CD33: variants seen among roughly 807,000 people sequenced by gnomAD.
CD33 encodes myeloid cell surface antigen CD33.
CD33 carries 25 observed loss-of-function variants against 31.4 expected under a neutral mutation model. That is an observed-to-expected ratio of 0.80 (90% confidence interval 0.58 to 1.11). CD33 has a LOEUF of 1.11. Ranked by LOEUF, CD33 falls within the 50% of genes most tolerant of loss-of-function variation. The probability of loss-of-function intolerance (pLI) is 0.00; values close to 1 mark genes in which losing one functional copy is unlikely to be tolerated. For synonymous variants in CD33, 176 were observed against 180.6 expected (o/e 0.97, Z 0.20); for missense variants, 407 against 448.1 (o/e 0.91, Z 0.83).
chr19:51,233,365 A>G (rs961189065), intron 4 of CD33, among the ~76,000 whole-genome samples: 1 of 152,244 alleles, frequency 6.6e-6, no homozygotes, highest in African/African-American at 2.4e-5. Context: ...AAGTACGGGC[A>G]GCAGGGGTTG....
At chr19:51,216,198 C>T in the CD33 span, among the ~76,000 whole-genome samples, 1 of 150,196 alleles carries the variant, frequency 6.7e-6, no homozygotes, top group South Asian at 2.1e-4. Context: ...GATTGTCCTT[C>T]AGGCTCAGTC....
At chr19:51,231,779 G>A (rs1275767884) in intron 4 of CD33, among the ~76,000 whole-genome samples, 2 of 149,602 alleles carry the variant, frequency 1.3e-5, no homozygotes, top group East Asian at 2.0e-4. Flanking sequence ...TTTTTTTTGA[G>A]AAAGTGTCTC....
chr19:51,226,201 G>A (rs1348116194), intron 3 of CD33, 108 bp from the exon 4 acceptor site: 4 of 1,497,384 alleles, frequency 2.7e-6, no homozygotes, highest in East Asian at 4.5e-5. Flanking sequence ...AAGGACATGA[G>A]CCCTGTCCCT....
intron 6 of CD33, chr19:51,236,599 T>G (rs1981823073): frequency 6.6e-6 from 1 of 152,248 alleles, no homozygotes. Flanking sequence ...GGGTCAGTAA[T>G]GCCCCAGATG....
rs375287112 is a variant in CD33, at chr19:51,235,933, C to A, written c.924+257C>A. ...CAGCACCTTTGGAGGCCAAGGCGGGCGGATCACGAGGTCAGGAGATTGAGA... is the reference window on the plus strand; with the variant it reads ...CAGCACCTTTGGAGGCCAAGGCGGGAGGATCACGAGGTCAGGAGATTGAGA... On this transcript the variant is annotated intron_variant, in intron 6 of 6. Coordinates refer to ENST00000262262, the MANE Select transcript of CD33 (RefSeq NM_001772.4). 6.1e-4 allele frequency: 428 copies of A among 698,204 alleles called. 1 individual carries two copies. Among genetic ancestry groups the A allele is most frequent in the Non-Finnish European group, 9.1e-4 (349 of 383,570 alleles). The allele number at this position is 698,204 out of a possible 1,614,324, so 43.3% of individuals were successfully genotyped here. A position where few individuals can be genotyped will look rare whatever the true frequency, so the allele number is the denominator to read the frequency against.
chr19:51,226,455 G>C, intron 4 of CD33, 99 bp downstream of exon 4: 1 of 1,071,196 alleles, frequency 9.3e-7, no homozygotes, highest in South Asian at 1.3e-5. Flanking sequence ...CAGAGGCAAG[G>C]CCTGCAGTTA....
upstream of CD33, among the ~76,000 whole-genome samples, chr19:51,224,752 A>C (rs1980863139): frequency 6.6e-6 from 1 of 152,148 alleles, no homozygotes; most frequent in African/African-American, 2.4e-5. Flanking sequence ...AGCAGTGATC[A>C]GCCCTGGTGT....
the CD33 span, among the ~76,000 whole-genome samples, chr19:51,216,221 C>CGT: frequency 0.21 from 29,092 of 140,430 alleles, 3,378 homozygotes; most frequent in Non-Finnish European, 0.24. Flanking sequence ...AAATGTCACC[C>CGT]GAGTGTGTGT....
the CD33 span, chr19:51,211,862 C>T: frequency 7.7e-7 from 1 of 1,296,986 alleles, no homozygotes; most frequent in East Asian, 2.3e-5. Context: ...ACCTGACCTG[C>T]TCTGTGCCCT....
the CD33 span, among the ~76,000 whole-genome samples, chr19:51,212,762 C>A: frequency 1.3e-5 from 2 of 152,270 alleles, no homozygotes; most frequent in South Asian, 4.1e-4. Flanking sequence ...CTTAGATGCC[C>A]GTCCTCCTCC....
rs1980921436 is a variant in CD33, at chr19:51,225,384, C to T, written c.204C>T (p.Ser68=). The change falls in exon 2 of 7, where the codon TCC becomes TCT. Residue 68 remains serine, a synonymous_variant. Coordinates refer to ENST00000262262, the MANE Select transcript of CD33 (RefSeq NM_001772.4). ...GYWFREGAII[S]RDSPVATNKL... is the part of the protein sequence containing the mutation. ...GGTTCCGGGAAGGAGCCATTATATCCAGGGACTCTCCAGTGGCCACAAACA... is the reference window on the plus strand; with the variant it reads ...GGTTCCGGGAAGGAGCCATTATATCTAGGGACTCTCCAGTGGCCACAAACA... The T allele has an allele frequency of 6.2e-7, 1 of 1,614,176 alleles. No individual in the cohort carries two copies.
the CD33 span, among the ~76,000 whole-genome samples, chr19:51,218,825 G>T: frequency 6.6e-6 from 1 of 152,166 alleles, no homozygotes; most frequent in East Asian, 1.9e-4. Context: ...TCAAAAGTCA[G>T]GTAGCTGTAA....
chr19:51,216,223 A>AGTGT, the CD33 span, among the ~76,000 whole-genome samples: 543 of 128,460 alleles, frequency 4.2e-3, 7 homozygotes, highest in Middle Eastern at 0.032. Context: ...ATGTCACCCG[A>AGTGT]GTGTGTGTGT....
At chr19:51,229,596 T>C (rs1712284137) in intron 4 of CD33, among the ~76,000 whole-genome samples, 1 of 152,192 alleles carries the variant, frequency 6.6e-6, no homozygotes, top group African/African-American at 2.4e-5. Flanking sequence ...TGCTGAAGTT[T>C]TCTATACCTT....
intron 2 of CD33, 29 bp from the exon 3 acceptor site, chr19:51,225,774 A>G (rs1404062183): frequency 6.2e-7 from 1 of 1,601,528 alleles, no homozygotes; most frequent in East Asian, 2.2e-5. Context: ...CTCCCTCCTG[A>G]TTCTGCATCC....
At chr19:51,224,349 T>C (rs1488818484), upstream of CD33, among the ~76,000 whole-genome samples, 4 of 152,180 alleles carry the variant, frequency 2.6e-5, no homozygotes, top group Non-Finnish European at 5.9e-5. Flanking sequence ...ACTGTTTTAC[T>C]AGGGCCATTG....
intron 4 of CD33, among the ~76,000 whole-genome samples, chr19:51,228,066 T>G (rs1167464643): frequency 6.7e-6 from 1 of 149,238 alleles, no homozygotes; most frequent in Middle Eastern, 3.4e-3. Flanking sequence ...TTATGTATTA[T>G]TGGTGTATGT....
chr19:51,239,521 C>G lies in CD33; in HGVS notation c.928C>G (p.His310Asp). ...CCCCTTCTTTCCTCTCCATAAGAAA[C>G]ACCAGAAGAAGTCCAAGTTACATGG... ...HPTTGSASPK[H>D]QKKSKLHGPT... is the part of the protein sequence containing the mutation. Residue 310 changes from histidine (H) to aspartate (D), a missense_variant, in exon 7 of 7, where the codon CAC becomes GAC. By Grantham distance (81) the His-to-Asp change is moderately conservative. Coordinates refer to ENST00000262262, the MANE Select transcript of CD33 (RefSeq NM_001772.4). The G allele has an allele frequency of 6.2e-7, 1 of 1,601,140 alleles. No individual in the cohort carries two copies. The highest frequency in any genetic ancestry group is 8.5e-7 in the Non-Finnish European group (1 of 1,173,610).
chr19:51,212,174 G>T, the CD33 span: 1 of 431,726 alleles, frequency 2.3e-6, no homozygotes, highest in Non-Finnish European at 4.4e-6. Context: ...TGTCCTAGAG[G>T]CCTGGCTGAG....
Sources: allele counts gnomAD v4.1 joint callset (sites outside exome capture counted in the v4.1 genomes callset), GRCh38; gene constraint gnomAD v4.1.1; transcripts MANE v1.5; gene names NCBI Gene and HGNC (gene_info 2026-07-23, HGNC 2026-07-21).